Variants in HS6ST1 observed in about 807,000 individuals in gnomAD.
HS6ST1 encodes the protein heparan-sulfate 6-O-sulfotransferase 1.
HS6ST1 carries 3 observed loss-of-function variants against 25.2 expected under a neutral mutation model. That is an observed-to-expected ratio of 0.12 (90% CI 0.05 to 0.31). The LOEUF (loss-of-function observed/expected upper bound fraction) is 0.31, where lower values mean the gene tolerates loss of function less well. Among genes scored for constraint, HS6ST1 ranks in the 10% least tolerant of loss-of-function variants. The pLI, the probability that HS6ST1 is intolerant of heterozygous loss-of-function variation, is 1.00. For missense variants in HS6ST1, 310 were observed against 609.6 expected, an observed-to-expected ratio of 0.51 and a Z score of 5.18; for synonymous variants, 204 against 275.1, an observed-to-expected ratio of 0.74 and a Z score of 2.56.
At chr2:128,283,977 C>T (rs536016260) in intron 1 of HS6ST1, among the ~76,000 whole-genome samples, 3 of 152,326 alleles carry the variant, frequency 2.0e-5, no homozygotes, top group Non-Finnish European at 4.4e-5. Context: ...GAAATGGAGG[C>T]TGGGTGGCCC....
intron 1 of HS6ST1, among the ~76,000 whole-genome samples, chr2:128,270,502 G>A (rs1248976874): frequency 1.3e-5 from 2 of 152,224 alleles, no homozygotes; most frequent in Admixed American, 6.5e-5. Context: ...AGGGCCAGAG[G>A]GCGGGACCTT....
At chr2:128,281,531 G>A (rs951808721) in intron 1 of HS6ST1, among the ~76,000 whole-genome samples, 9 of 152,160 alleles carry the variant, frequency 5.9e-5, no homozygotes, top group Admixed American at 1.3e-4. Context: ...ATGTGACCGC[G>A]GAGCACCAGC....
At chr2:128,298,755 T>A (rs1694077950) in intron 1 of HS6ST1, among the ~76,000 whole-genome samples, 1 of 152,184 alleles carries the variant, frequency 6.6e-6, no homozygotes, top group African/African-American at 2.4e-5. Flanking sequence ...ACAATGTGAA[T>A]GTACTTCATG....
chr2:128,310,990 C>G (rs1031044040), intron 1 of HS6ST1, among the ~76,000 whole-genome samples: 10 of 108,356 alleles, frequency 9.2e-5, no homozygotes, highest in African/African-American at 3.7e-4. Context: ...TTTCTGAGTG[C>G]TGCTTCCACT....
intron 1 of HS6ST1, among the ~76,000 whole-genome samples, chr2:128,274,818 A>G (rs1693665869): frequency 6.6e-6 from 1 of 152,088 alleles, no homozygotes; most frequent in South Asian, 2.1e-4. Flanking sequence ...TCTCTACTAA[A>G]AATACAAAAA....
At chr2:128,276,336 A>G (rs1258360803) in intron 1 of HS6ST1, among the ~76,000 whole-genome samples, 1 of 152,132 alleles carries the variant, frequency 6.6e-6, no homozygotes, top group African/African-American at 2.4e-5. Flanking sequence ...GGATTTCACC[A>G]TGTTGGCCAG....
chr2:128,305,411 G>A (rs997580233), intron 1 of HS6ST1, among the ~76,000 whole-genome samples: 1 of 152,222 alleles, frequency 6.6e-6, no homozygotes, highest in Non-Finnish European at 1.5e-5. Context: ...GCCCTGCCTG[G>A]ACTTGCGTGA....
intron 1 of HS6ST1, among the ~76,000 whole-genome samples, chr2:128,294,713 T>TGTGTGTGTGTGC (rs897172094): frequency 1.6e-5 from 2 of 128,150 alleles, no homozygotes; most frequent in African/African-American, 6.3e-5. Flanking sequence ...TGTGTGTGTG[T>TGTGTGTGTGTGC]GTGGAGGGGG....
rs1045525255 is a variant in HS6ST1, at chr2:128,266,471, G to A, written c.*1691C>T. On this transcript the variant is annotated 3_prime_UTR_variant, in exon 2 of 2. Transcript: ENST00000259241. ...TCCTTGGACCCCAAAGTAAAATGGGGCCAGTGTAGGAGACCTGAGGGTGGG... is the reference window on the plus strand; with the variant it reads ...TCCTTGGACCCCAAAGTAAAATGGGACCAGTGTAGGAGACCTGAGGGTGGG... 5.3e-5 allele frequency: 8 copies of A among 152,230 alleles called. No individual in the cohort carries two copies. Among genetic ancestry groups the A allele is most frequent in the African/African-American group, 1.9e-4 (8 of 41,464 alleles). The allele number at this position is 152,230 out of a possible 1,614,324, so 9.4% of individuals were successfully genotyped here. A position where few individuals can be genotyped will look rare whatever the true frequency, so the allele number is the denominator to read the frequency against.
intron 1 of HS6ST1, among the ~76,000 whole-genome samples, chr2:128,285,667 C>T (rs1463670530): frequency 1.3e-5 from 2 of 152,226 alleles, no homozygotes; most frequent in African/African-American, 2.4e-5. Context: ...CTGTCTCTGC[C>T]TCCACCCTGC....
At chr2:128,268,952 C>T (rs1297561225) in intron 1 of HS6ST1, 82 bp from the exon 2 acceptor site, 6 of 1,202,330 alleles carry the variant, frequency 5.0e-6, no homozygotes, top group African/African-American at 1.5e-5. Context: ...TCAAAGTCCC[C>T]ACTACAGGAG....
In HS6ST1 at chr2:128,279,330, CTTTTTTTTTT is replaced by C. The variant is rs61670210; in HGVS notation, c.528-10470_528-10461del. On this transcript the variant is annotated intron_variant, in intron 1 of 1. Coordinates refer to ENST00000259241, the MANE Select transcript of HS6ST1 (RefSeq NM_004807.3). ...TCATTTAGAGTCAGAATGACAGAAC[CTTTTTTTTTT>C]TTTTTTTTTTTTAAGAAATACTGTT... Among the ~76,000 whole-genome samples the C allele has an allele frequency of 4.0e-5, 5 of 124,748 alleles. No individual in the cohort carries two copies. The Admixed American group carries it at 4.0e-4, about 10-fold the overall frequency. The allele number at this position is 124,748 out of a possible 152,430, so 81.8% of individuals were successfully genotyped here. A position where few individuals can be genotyped will look rare whatever the true frequency, so the allele number is the denominator to read the frequency against.
In HS6ST1 at chr2:128,268,174, A is replaced by G; in HGVS notation, c.1224T>C (p.Ile408=). The G allele has an allele frequency of 2.5e-6, 4 of 1,608,284 alleles. No homozygotes were observed. Among genetic ancestry groups the G allele is most frequent in the Non-Finnish European group, 1.7e-6 (2 of 1,178,568 alleles). ...GCCACCACCGCCACTACCACTTCTC[A>G]ATGATGTGGCTCATGTAGTCCTCGG... ...VPTEDYMSHI[I]EKW Residue 408 remains isoleucine (I), a synonymous_variant, in exon 2 of 2, where the codon ATT becomes ATC. Transcript: ENST00000259241.
chr2:128,288,596 G>A lies in HS6ST1; in HGVS notation c.528-19726C>T, dbSNP rs193132273. ...GGAGCAGAAATGCAACCCGCGCCAG[G>A]TGCCCTGGGCCTAGTGCCCTGGGCC... On this transcript the variant is annotated intron_variant, in intron 1 of 1. Coordinates refer to ENST00000259241, the MANE Select transcript of HS6ST1 (RefSeq NM_004807.3). 3.3e-5 allele frequency among the ~76,000 whole-genome samples: 5 copies of A among 152,250 alleles called. No homozygotes were observed. The East Asian group carries it at 9.7e-4, about 29-fold the overall frequency.
chr2:128,304,708 G>A (rs765593664), intron 1 of HS6ST1, among the ~76,000 whole-genome samples: 6 of 152,236 alleles, frequency 3.9e-5, no homozygotes, highest in Non-Finnish European at 4.4e-5. Flanking sequence ...CCATGTACCA[G>A]AGAACAGGGA....
At chr2:128,311,312 G>C (rs561679423) in intron 1 of HS6ST1, among the ~76,000 whole-genome samples, 2 of 152,276 alleles carry the variant, frequency 1.3e-5, no homozygotes, top group East Asian at 1.9e-4. Context: ...GGAGAGGAGA[G>C]CAGGTGCCAG....
intron 1 of HS6ST1, among the ~76,000 whole-genome samples, chr2:128,308,443 C>T (rs1694243981): frequency 6.6e-6 from 1 of 152,212 alleles, no homozygotes; most frequent in African/African-American, 2.4e-5. Context: ...ACGTGGCATC[C>T]ACCCCTTCCT....
At chr2:128,304,194 A>G (rs1351410896) in intron 1 of HS6ST1, among the ~76,000 whole-genome samples, 2 of 152,100 alleles carry the variant, frequency 1.3e-5, no homozygotes, top group Non-Finnish European at 2.9e-5. Flanking sequence ...TATTCCCCCA[A>G]TAAATCCTCT....
At position 128,317,978 on chromosome 2, in the gene HS6ST1, G is replaced by C. The variant is rs1404659093; in HGVS notation, c.527+59C>G. 3 of 1,391,940 alleles carry C rather than the reference G, an allele frequency of 2.2e-6. No homozygotes were observed. In the African/African-American group the frequency reaches 4.6e-5, roughly 21 times the overall value. 86.2% of individuals were successfully genotyped at this position (1,391,940 alleles called of 1,614,324 possible). A position where few individuals can be genotyped will look rare whatever the true frequency, so the allele number is the denominator to read the frequency against. On this transcript the variant is annotated intron_variant, in intron 1 of 1. Transcript: ENST00000259241. ...GGGCCGACCCAGTACAGCACGGCGG[G>C]CATACGGCCCGGCCTCGGGGGCGCA...
Sources: allele counts gnomAD v4.1 joint callset (sites outside exome capture counted in the v4.1 genomes callset), GRCh38; gene constraint gnomAD v4.1.1; transcripts MANE v1.5; gene names NCBI Gene and HGNC (gene_info 2026-07-23, HGNC 2026-07-21).